Variants in PRKCQ observed in about 807,000 individuals in gnomAD.
PRKCQ encodes protein kinase C theta type.
A neutral mutation model predicts 91.2 loss-of-function variants in PRKCQ; 41 were observed. The observed-to-expected ratio is 0.45, with a 90% CI of 0.35 to 0.58. The LOEUF (loss-of-function observed/expected upper bound fraction) is 0.58. PRKCQ is among the 20% of genes least tolerant of loss of function. The probability of loss-of-function intolerance (pLI) is 0.00; values close to 1 mark genes in which losing one functional copy is unlikely to be tolerated. For synonymous variants in PRKCQ, 307 were observed against 316.9 expected (o/e 0.97, Z 0.33); for missense variants, 673 against 896.5 (o/e 0.75, Z 3.18).
At chr10:6,410,852 G>A in the PRKCQ span, among the ~76,000 whole-genome samples, 1 of 151,874 alleles carries the variant, frequency 6.6e-6, no homozygotes, top group Non-Finnish European at 1.5e-5. Context: ...GCGTGGTGGC[G>A]GGTGCCTGTA....
chr10:6,459,419 G>C (rs189824967), intron 14 of PRKCQ, among the ~76,000 whole-genome samples: 48 of 152,262 alleles, frequency 3.2e-4, no homozygotes, highest in Admixed American at 2.2e-3. Context: ...ACAAAGACCT[G>C]CACATCCAGA....
intron 1 of PRKCQ, among the ~76,000 whole-genome samples, chr10:6,578,270 C>G (rs1356590484): frequency 6.6e-6 from 1 of 152,210 alleles, no homozygotes; most frequent in Non-Finnish European, 1.5e-5. Context: ...GCAATGAGGA[C>G]ATGTCTGTAG....
At chr10:6,431,921 T>G (rs1833447432) in intron 16 of PRKCQ, among the ~76,000 whole-genome samples, 1 of 152,220 alleles carries the variant, frequency 6.6e-6, no homozygotes, top group Non-Finnish European at 1.5e-5. Flanking sequence ...GCCTAAGAAG[T>G]TAAAATGAAC....
intron 13 of PRKCQ, among the ~76,000 whole-genome samples, chr10:6,464,027 C>T (rs575051539): frequency 6.6e-6 from 1 of 152,296 alleles, no homozygotes; most frequent in African/African-American, 2.4e-5. Flanking sequence ...TGCTTCCTTT[C>T]CAAAGGTTAC....
intron 13 of PRKCQ, among the ~76,000 whole-genome samples, chr10:6,463,002 C>T (rs1835443979): frequency 1.9e-5 from 2 of 108,036 alleles, no homozygotes; most frequent in Non-Finnish European, 4.1e-5. Context: ...AAGACTCTGA[C>T]TCAAAAAAAA....
intron 11 of PRKCQ, 125 bp from the exon 12 acceptor site, chr10:6,479,290 C>A: frequency 9.3e-7 from 1 of 1,072,008 alleles, no homozygotes. Context: ...AACCCCCATC[C>A]ATCCTGCATA....
At chr10:6,461,083 A>G (rs1259610044) in intron 14 of PRKCQ, among the ~76,000 whole-genome samples, 1 of 149,278 alleles carries the variant, frequency 6.7e-6, no homozygotes, top group Non-Finnish European at 1.5e-5. Context: ...TCATTCATCC[A>G]TCATTTATCC....
At chr10:6,440,430 T>C (rs776217895) in intron 16 of PRKCQ, among the ~76,000 whole-genome samples, 16 of 152,304 alleles carry the variant, frequency 1.1e-4, no homozygotes, top group Middle Eastern at 3.4e-3. Flanking sequence ...GAGTGCCTCA[T>C]TGAAGTCTCA....
At chr10:6,550,428 C>T (rs1840138147) in intron 1 of PRKCQ, among the ~76,000 whole-genome samples, 1 of 152,148 alleles carries the variant, frequency 6.6e-6, no homozygotes, top group Non-Finnish European at 1.5e-5. Context: ...CACATGCCAC[C>T]ATGCCCGGCT....
chr10:6,541,685 A>G (rs1178386548), intron 1 of PRKCQ, among the ~76,000 whole-genome samples: 2 of 152,170 alleles, frequency 1.3e-5, no homozygotes, highest in Non-Finnish European at 2.9e-5. Flanking sequence ...CCTACTGATT[A>G]CTTTTTATCT....
intron 12 of PRKCQ, among the ~76,000 whole-genome samples, chr10:6,468,431 G>A (rs1588706769): frequency 6.6e-6 from 1 of 152,158 alleles, no homozygotes; most frequent in African/African-American, 2.4e-5. Flanking sequence ...GAAATGGCTG[G>A]CAAATGTGCA....
chr10:6,564,143 C>T (rs1195029851), intron 1 of PRKCQ, among the ~76,000 whole-genome samples: 1 of 152,104 alleles, frequency 6.6e-6, no homozygotes, highest in African/African-American at 2.4e-5. Context: ...ACGGGCCCCG[C>T]AAAGATTCGG....
intron 15 of PRKCQ, among the ~76,000 whole-genome samples, chr10:6,453,331 A>C (rs1834815058): frequency 6.6e-6 from 1 of 152,234 alleles, no homozygotes; most frequent in African/African-American, 2.4e-5. Flanking sequence ...GCTCATCATC[A>C]CTGGCCATCA....
rs531828354 is a variant in PRKCQ, at chr10:6,527,683, C to G, written c.-9-12539G>C. The stretch of plus-strand genomic sequence containing the variant: ...CAGGAGACAGCGGTCACTTCACAAC[C>G]CTGTGTCACAGCATTCTACGTAAGC... On this transcript the variant is annotated intron_variant, in intron 1 of 17. Transcript: ENST00000263125. Among the ~76,000 whole-genome samples, 11 of 152,248 alleles carry G rather than the reference C, an allele frequency of 7.2e-5. No individual in the cohort carries two copies. In the South Asian group the frequency reaches 2.3e-3, roughly 32 times the overall value.
At chr10:6,503,462 G>T (rs1444190854) in intron 4 of PRKCQ, among the ~76,000 whole-genome samples, 1 of 152,032 alleles carries the variant, frequency 6.6e-6, no homozygotes, top group African/African-American at 2.4e-5. Context: ...AGGAAGAAGA[G>T]AAAAAATGAT....
intron 15 of PRKCQ, among the ~76,000 whole-genome samples, chr10:6,442,824 T>G (rs1834046191): frequency 6.6e-6 from 1 of 152,022 alleles, no homozygotes; most frequent in Admixed American, 6.6e-5. Flanking sequence ...TAACCAGGTG[T>G]GGTGGTGGGT....
intron 5 of PRKCQ, 120 bp downstream of exon 5, chr10:6,498,276 C>T (rs767506035): frequency 4.5e-5 from 58 of 1,303,110 alleles, no homozygotes; most frequent in South Asian, 6.8e-5. Context: ...TCCCTGACAA[C>T]GCTGAGGTAG....
rs749255215 is a variant in PRKCQ at position 6,462,289 on chromosome 10, A to G, written c.1508+14T>C. 2.5e-6 allele frequency: 4 copies of G among 1,610,886 alleles called. No homozygotes were observed. The highest frequency in any genetic ancestry group is 2.7e-5 in the African/African-American group (2 of 74,924). On this transcript the variant is annotated intron_variant, in intron 14 of 17. Transcript: ENST00000263125. ...CCGATATCTTAGCATTTGTTTCCACAAAGCAAAATTTACCTGTAGACTATT... is the reference window on the plus strand; with the variant it reads ...CCGATATCTTAGCATTTGTTTCCACGAAGCAAAATTTACCTGTAGACTATT...
chr10:6,525,202 G>A lies in PRKCQ; in HGVS notation c.-9-10058C>T, dbSNP rs139276486. 2.0e-3 allele frequency among the ~76,000 whole-genome samples: 295 copies of A among 150,046 alleles called. 1 individual carries two copies. Among genetic ancestry groups the A allele is most frequent in the African/African-American group, 6.9e-3 (279 of 40,690 alleles). On this transcript the variant is annotated intron_variant, in intron 1 of 17. Coordinates refer to ENST00000263125, the MANE Select transcript of PRKCQ (RefSeq NM_006257.5). The stretch of plus-strand genomic sequence containing the variant: ...GGGGAAGGTCAATTGTGGTAAAAAC[G>A]ATAATTATATTAAAACTCATCAAAT...
Sources: gnomAD v4.1 joint callset for allele counts (sites outside exome capture counted in the v4.1 genomes callset) on GRCh38, gnomAD v4.1.1 for gene constraint, MANE v1.5 for transcripts, NCBI Gene and HGNC (gene_info 2026-07-23, HGNC 2026-07-21) for gene names.